FAF1: variants seen among roughly 807,000 people sequenced by gnomAD.
FAF1 encodes the protein Fas associated factor 1, also known as FAS-associated factor 1.
A neutral mutation model predicts 92.5 loss-of-function variants in FAF1; 25 were observed. The ratio of observed to expected loss-of-function variants is 0.27; its 90% CI spans 0.20 to 0.38. FAF1 has a LOEUF of 0.38. Among genes scored for constraint, FAF1 ranks in the 10% least tolerant of loss-of-function variants. The pLI, the probability that FAF1 is intolerant of heterozygous loss-of-function variation, is 1.00. For missense variants in FAF1, 636 were observed against 793.3 expected, an observed-to-expected ratio of 0.80 and a Z score of 2.38; for synonymous variants, 234 against 273.2, an observed-to-expected ratio of 0.86 and a Z score of 1.42.
intron 2 of FAF1, among the ~76,000 whole-genome samples, chr1:50,814,434 C>T (rs1433575857): frequency 6.6e-6 from 1 of 151,504 alleles, no homozygotes; most frequent in African/African-American, 2.4e-5. Flanking sequence ...TGTGTGGGTA[C>T]AATAAAATAA....
chr1:50,696,794 T>C (rs1388533732), intron 7 of FAF1, among the ~76,000 whole-genome samples: 1 of 152,122 alleles, frequency 6.6e-6, no homozygotes, highest in Non-Finnish European at 1.5e-5. Flanking sequence ...CCATCAAGCG[T>C]CCATGTTCAG....
intron 4 of FAF1, among the ~76,000 whole-genome samples, chr1:50,765,123 C>T (rs1308721565): frequency 6.6e-6 from 1 of 152,056 alleles, no homozygotes; most frequent in African/African-American, 2.4e-5. Context: ...GACAAGAAGG[C>T]TACAAAAAGA....
At chr1:50,866,103 T>G (rs1440501634) in intron 1 of FAF1, among the ~76,000 whole-genome samples, 2 of 152,050 alleles carry the variant, frequency 1.3e-5, no homozygotes, top group Non-Finnish European at 2.9e-5. Flanking sequence ...AAACATCACA[T>G]GATAATCTCA....
chr1:50,702,869 T>A (rs543269117), intron 7 of FAF1, among the ~76,000 whole-genome samples: 2 of 152,182 alleles, frequency 1.3e-5, no homozygotes, highest in Admixed American at 1.3e-4. Flanking sequence ...CTCAGTATTT[T>A]AAAAAAATGT....
chr1:50,545,510 C>T (rs1197635141), intron 13 of FAF1, among the ~76,000 whole-genome samples: 1 of 151,974 alleles, frequency 6.6e-6, no homozygotes, highest in Non-Finnish European at 1.5e-5. Context: ...CTCAAGTGAT[C>T]CACCTGCCTT....
intron 14 of FAF1, 148 bp downstream of exon 14, chr1:50,539,444 C>T: frequency 1.9e-6 from 1 of 530,758 alleles, no homozygotes; most frequent in Non-Finnish European, 3.2e-6. Context: ...TTTATAGCAC[C>T]TATATTTTTT....
intron 8 of FAF1, among the ~76,000 whole-genome samples, chr1:50,600,433 T>C (rs1170466860): frequency 6.6e-6 from 1 of 152,142 alleles, no homozygotes; most frequent in Admixed American, 6.5e-5. Context: ...GACAAAGTAT[T>C]AATACAAAAT....
At chr1:50,877,897 A>G (rs1432127506) in intron 1 of FAF1, among the ~76,000 whole-genome samples, 1 of 152,140 alleles carries the variant, frequency 6.6e-6, no homozygotes, top group Non-Finnish European at 1.5e-5. Flanking sequence ...TATTTTCCAC[A>G]AGCCCAGTTG....
chr1:50,907,828 G>T (rs1323214865), intron 1 of FAF1, among the ~76,000 whole-genome samples: 1 of 151,922 alleles, frequency 6.6e-6, no homozygotes, highest in Non-Finnish European at 1.5e-5. Context: ...TCACCTCCTG[G>T]ATTCATTGAT....
chr1:50,714,787 A>G (rs913694958), intron 6 of FAF1, among the ~76,000 whole-genome samples: 4 of 152,010 alleles, frequency 2.6e-5, no homozygotes, highest in African/African-American at 9.7e-5. Flanking sequence ...ATTTGCTTTT[A>G]TTTTTCTAAT....
At chr1:50,859,157 T>C (rs1246260497) in intron 1 of FAF1, among the ~76,000 whole-genome samples, 11 of 151,806 alleles carry the variant, frequency 7.2e-5, no homozygotes, top group Non-Finnish European at 1.6e-4. Flanking sequence ...ACACCTAATA[T>C]ACTGAATGGC....
At chr1:50,548,306 G>A (rs1195123074) in intron 13 of FAF1, among the ~76,000 whole-genome samples, 3 of 152,092 alleles carry the variant, frequency 2.0e-5, no homozygotes, top group Admixed American at 1.3e-4. Context: ...ATGAAGTGCT[G>A]GGGAAAATCA....
chr1:50,437,191 C>A lies in FAF1; in HGVS notation c.*4249G>T, dbSNP rs1646135627. On this transcript the variant is annotated 3_prime_UTR_variant, in exon 19 of 19. Transcript: ENST00000396153. ...GCAGAGATATTCAAGGCAAGAAAGTCTAGTGATTGTATTTCATCCTCTGGA... is the reference window on the plus strand; with the variant it reads ...GCAGAGATATTCAAGGCAAGAAAGTATAGTGATTGTATTTCATCCTCTGGA... 1 of 152,118 alleles carries A rather than the reference C, an allele frequency of 6.6e-6. No individual in the cohort carries two copies. Among genetic ancestry groups the A allele is most frequent in the African/African-American group, 2.4e-5 (1 of 41,422 alleles). 9.4% of individuals were successfully genotyped at this position (152,118 alleles called of 1,614,324 possible).
chr1:50,650,599 G>A (rs1417313673), intron 8 of FAF1, among the ~76,000 whole-genome samples: 3 of 152,020 alleles, frequency 2.0e-5, no homozygotes, highest in Admixed American at 1.3e-4. Flanking sequence ...CACCCTGGGT[G>A]ACAGAGCAAG....
At chr1:50,597,559 TC>T in intron 8 of FAF1, among the ~76,000 whole-genome samples, 1 of 152,146 alleles carries the variant, frequency 6.6e-6, no homozygotes, top group East Asian at 1.9e-4. Flanking sequence ...AGTATATGTG[TC>T]CAATTAAATA....
chr1:50,536,855 G>C (rs924411520), intron 14 of FAF1, among the ~76,000 whole-genome samples: 4 of 152,160 alleles, frequency 2.6e-5, no homozygotes, highest in Non-Finnish European at 4.4e-5. Flanking sequence ...TCTCAAAATG[G>C]AGATAACACT....
At chr1:50,622,575 AT>A (rs1653267357) in intron 8 of FAF1, among the ~76,000 whole-genome samples, 1 of 152,202 alleles carries the variant, frequency 6.6e-6, no homozygotes, top group Admixed American at 6.5e-5. Flanking sequence ...TCATCCAGGA[AT>A]CTAATATTAC....
chr1:50,624,851 A>T (rs1218702216), intron 8 of FAF1, among the ~76,000 whole-genome samples: 1 of 152,010 alleles, frequency 6.6e-6, no homozygotes, highest in African/African-American at 2.4e-5. Flanking sequence ...TTCAAAGTGA[A>T]ATCAGGTTTA....
At chr1:50,548,516 T>C (rs2149045010) in intron 13 of FAF1, among the ~76,000 whole-genome samples, 1 of 152,336 alleles carries the variant, frequency 6.6e-6, no homozygotes, top group African/African-American at 2.4e-5. Context: ...TCTTCCTTTT[T>C]CTCTTCCAAC....
Sources: gnomAD v4.1 joint callset for allele counts (sites outside exome capture counted in the v4.1 genomes callset) on GRCh38, gnomAD v4.1.1 for gene constraint, MANE v1.5 for transcripts, NCBI Gene and HGNC (gene_info 2026-07-23, HGNC 2026-07-21) for gene names.